Variants in ASTL observed in about 807,000 individuals in gnomAD.
ASTL encodes astacin like metalloendopeptidase, also known as astacin-like metalloendopeptidase.
A neutral mutation model predicts 36.7 loss-of-function variants in ASTL; 27 were observed. That is an observed-to-expected ratio of 0.73 (90% CI 0.54 to 1.01). ASTL has a LOEUF of 1.01. Ranked by LOEUF, ASTL falls within the 50% of genes least tolerant of loss-of-function variation. ASTL has a pLI of 0.00. For missense variants in ASTL, 524 were observed against 572.8 expected (o/e 0.91, Z 0.87); for synonymous variants, 222 against 228.1 (o/e 0.97, Z 0.24).
At chr2:96,131,835 C>A (rs1212033112) in intron 6 of ASTL, among the ~76,000 whole-genome samples, 4 of 152,204 alleles carry the variant, frequency 2.6e-5, no homozygotes, top group African/African-American at 9.7e-5. Flanking sequence ...CAGACTCCCA[C>A]CCAAACCTCC....
intron 6 of ASTL, among the ~76,000 whole-genome samples, chr2:96,130,922 A>C (rs1234818757): frequency 6.6e-6 from 1 of 152,232 alleles, no homozygotes; most frequent in Non-Finnish European, 1.5e-5. Context: ...GTAAAAGTCT[A>C]TTCCATCCCC....
rs1361061132 is a variant in ASTL at position 96,124,278 on chromosome 2, C to T, written c.875-7G>A. On this transcript the variant is annotated splice_polypyrimidine_tract_variant and splice_region_variant and intron_variant, in intron 8 of 8. Coordinates refer to ENST00000342380, the MANE Select transcript of ASTL (RefSeq NM_001002036.4). This position sits in a 1 kb window ranked among gnomAD's most constrained non-coding sequence, Gnocchi z 4.1. ...GTGCTGTGGGCATGGGACCCTGCAA[C>T]AGAAAAGACAGGAGGTGGAACCTCA... 2 of 1,502,910 alleles carry T rather than the reference C, an allele frequency of 1.3e-6. No homozygotes were observed. The highest frequency in any genetic ancestry group is 1.4e-5 in the South Asian group (1 of 72,248). The allele number at this position is 1,502,910 out of a possible 1,614,324, so 93.1% of individuals were successfully genotyped here. A position where few individuals can be genotyped will look rare whatever the true frequency, so the allele number is the denominator to read the frequency against.
At chr2:96,130,564 G>A (rs77375414) in intron 6 of ASTL, among the ~76,000 whole-genome samples, 11 of 152,174 alleles carry the variant, frequency 7.2e-5, no homozygotes, top group Admixed American at 2.0e-4. Context: ...GTCATCTGCA[G>A]TGGTGATGCC....
At chr2:96,133,302 G>A (rs1368815529) in intron 5 of ASTL, 123 bp downstream of exon 5, 1 of 768,200 alleles carries the variant, frequency 1.3e-6, no homozygotes, top group Non-Finnish European at 2.3e-6. Flanking sequence ...AGACCCCTCA[G>A]GGTGGGCAGG....
At chr2:96,137,888 G>A (rs957824067) in intron 1 of ASTL, 188 bp from the exon 2 acceptor site, 1 of 587,164 alleles carries the variant, frequency 1.7e-6, no homozygotes, top group Non-Finnish European at 3.0e-6. Context: ...CCAAGGTCTA[G>A]ATGACCTCAG....
In ASTL at chr2:96,133,511, A is replaced by G. The variant is rs770321750; in HGVS notation, c.369T>C (p.Ala123=). 1 of 1,614,134 alleles carries G rather than the reference A, an allele frequency of 6.2e-7. No homozygotes were observed. The highest frequency in any genetic ancestry group is 1.1e-5 in the South Asian group (1 of 91,086). The change falls in exon 5 of 9, where the codon GCT becomes GCC. Residue 123 remains alanine (A), a synonymous_variant. Transcript: ENST00000342380. ...DEPSRQVILE[A]LAEFERSTCI... is the part of the protein sequence containing the mutation. The stretch of plus-strand genomic sequence containing the variant: ...ACGTGGAACGTTCAAACTCCGCAAG[A>G]GCCTCCAGGATGACCTGGCGGCTGG...
In ASTL at chr2:96,138,390, G is replaced by C; in HGVS notation, c.47C>G (p.Ser16Cys). 1 of 1,609,956 alleles carries C rather than the reference G, an allele frequency of 6.2e-7. No homozygotes were observed. Among genetic ancestry groups the C allele is most frequent in the Non-Finnish European group, 8.5e-7 (1 of 1,178,164 alleles). ...GLWPWVLGLL[S>C]LPGVILGAPL... ...ACAGGCAGCCAGCTTACCTGGCAAG[G>C]AGAGCAGACCCAGCACCCAAGGCCA... Residue 16 changes from serine (S) to cysteine (C), a missense_variant, in exon 1 of 9, where the codon TCC (serine) becomes TGC (cysteine). Coordinates refer to ENST00000342380, the MANE Select transcript of ASTL (RefSeq NM_001002036.4).
intron 2 of ASTL, 150 bp from the exon 3 acceptor site, chr2:96,135,562 G>A: frequency 1.4e-6 from 1 of 692,742 alleles, no homozygotes; most frequent in South Asian, 1.9e-5. Context: ...CCTGATAAAA[G>A]TATAGGTCAT....
In ASTL at chr2:96,132,566, C is replaced by T. The variant is rs41320144; in HGVS notation, c.611G>A (p.Arg204His). ...TGGCAGGATCTCGTTCCAGTTGACA[C>T]GGATATAGCGGTCCCGGTCGGCCCG... ...HTRADRDRYI[R>H]VNWNEILPGF... Residue 204 changes from arginine to histidine, a missense_variant, in exon 6 of 9, where the codon CGT (arginine) becomes CAT (histidine). Transcript: ENST00000342380. The surrounding 1 kb of genome is among the most constrained non-coding windows in gnomAD (Gnocchi z 5.4). 55,013 of 1,604,368 alleles carry T rather than the reference C, an allele frequency of 0.034. 1,121 individuals are homozygous for T. The highest frequency in any genetic ancestry group is 0.037 in the Non-Finnish European group (43,481 of 1,172,562).
intron 1 of ASTL, among the ~76,000 whole-genome samples, chr2:96,138,069 A>G (rs1449372728): frequency 1.3e-5 from 2 of 152,116 alleles, no homozygotes; most frequent in African/African-American, 2.4e-5. Context: ...CTCTTGGACA[A>G]TGGGCTCAGC....
At chr2:96,136,417 T>C (rs1682300161) in intron 2 of ASTL, among the ~76,000 whole-genome samples, 1 of 152,208 alleles carries the variant, frequency 6.6e-6, no homozygotes, top group Non-Finnish European at 1.5e-5. Flanking sequence ...GGCAGGTGCT[T>C]CCCAGGAAAG....
In ASTL at chr2:96,124,883, C is replaced by T. The variant is rs1348878779; in HGVS notation, c.875-612G>A. Among the ~76,000 whole-genome samples, 3 of 152,168 alleles carry T rather than the reference C, an allele frequency of 2.0e-5. No homozygotes were observed. Among genetic ancestry groups the T allele is most frequent in the Non-Finnish European group, 2.9e-5 (2 of 68,022 alleles). On this transcript the variant is annotated intron_variant, in intron 8 of 8. Transcript: ENST00000342380. This position sits in a 1 kb window ranked among gnomAD's most constrained non-coding sequence, Gnocchi z 4.1. ...GAGGGCTTCACCAGGAGCCTCTTCC[C>T]TCAGCTGACCCTGACCAAATCCTCA...
rs199796644 is a variant in ASTL at position 96,135,321 on chromosome 2, G to A, written c.243+30C>T. On this transcript the variant is annotated intron_variant, in intron 3 of 8. Transcript: ENST00000342380. ...CCTGTCGCCAACTGTGGGCTTATCC[G>A]CACCCACACACGTCAGTGTGTGCAC... is the stretch of plus-strand genomic sequence containing the variant. 8.5e-5 allele frequency: 136 copies of A among 1,602,864 alleles called. 2 individuals are homozygous for A. In the Admixed American group the frequency reaches 9.2e-4, roughly 11 times the overall value.
At chr2:96,130,025 G>T (rs1558715114) in intron 7 of ASTL, 39 bp downstream of exon 7, 1 of 1,613,504 alleles carries the variant, frequency 6.2e-7, no homozygotes. Flanking sequence ...CACGGGAGAG[G>T]CTGGGGGAAG....
In ASTL at chr2:96,122,852, A is replaced by C. The variant is rs72825836; in HGVS notation, c.*998T>G. 0.035 allele frequency among the ~76,000 whole-genome samples: 5,294 copies of C among 152,278 alleles called. 114 individuals are homozygous for C. The highest frequency in any genetic ancestry group is 0.054 in the Middle Eastern group (16 of 294). ...CACACTCCACTTTATTTCCTCCCCC[A>C]ACATGTGGGGCTCCTGCCCCTTCTA... On this transcript the variant is annotated 3_prime_UTR_variant, in exon 9 of 9. Coordinates refer to ENST00000342380, the MANE Select transcript of ASTL (RefSeq NM_001002036.4).
At chr2:96,129,619 T>C (rs1682127371) in intron 8 of ASTL, among the ~76,000 whole-genome samples, 1 of 152,246 alleles carries the variant, frequency 6.6e-6, no homozygotes, top group Admixed American at 6.5e-5. Context: ...GCTAAGCAAG[T>C]GAGCCCTATT....
Position 96,125,287 on chromosome 2 carries a change from G to A in ASTL, c.875-1016C>T, listed in dbSNP as rs553410474. On this transcript the variant is annotated intron_variant, in intron 8 of 8. Coordinates refer to ENST00000342380, the MANE Select transcript of ASTL (RefSeq NM_001002036.4). The stretch of plus-strand genomic sequence containing the variant: ...GGTGTCTCCTGCTCTCCAGTCAGCG[G>A]AGGCACATCTTCTCCTTTGTTTCCA... Among the ~76,000 whole-genome samples the A allele has an allele frequency of 2.6e-5, 4 of 152,180 alleles. No individual in the cohort carries two copies. In the South Asian group the frequency reaches 8.3e-4, roughly 32 times the overall value.
At chr2:96,138,544 AC>A, upstream of ASTL, 2 of 899,938 alleles carry the variant, frequency 2.2e-6, no homozygotes, top group South Asian at 3.0e-5. Flanking sequence ...CAGCTGCTCC[AC>A]CTCCCACCTT....
rs765548772 is a variant in ASTL at position 96,132,493 on chromosome 2, C to G, written c.637+47G>C. On this transcript the variant is annotated intron_variant, in intron 6 of 8. Coordinates refer to ENST00000342380, the MANE Select transcript of ASTL (RefSeq NM_001002036.4). This position sits in a 1 kb window ranked among gnomAD's most constrained non-coding sequence, Gnocchi z 5.4. The stretch of plus-strand genomic sequence containing the variant: ...CCAGGCGACTTGGGCCCAAGCCGTG[C>G]TGTCCCCTCCCCGGCACCAGCCTGT... The G allele has an allele frequency of 6.5e-7, 1 of 1,528,094 alleles. No individual in the cohort carries two copies. The highest frequency in any genetic ancestry group is 1.2e-5 in the South Asian group (1 of 81,184). 94.7% of individuals were successfully genotyped at this position (1,528,094 alleles called of 1,614,324 possible).
Sources: allele counts gnomAD v4.1 joint callset (sites outside exome capture counted in the v4.1 genomes callset), GRCh38; gene constraint gnomAD v4.1.1; non-coding constraint Gnocchi (gnomAD v3.1); transcripts MANE v1.5; gene names NCBI Gene and HGNC (gene_info 2026-07-23, HGNC 2026-07-21).